The following ST7L variants were observed in gnomAD, a reference collection of about 807,000 sequenced individuals.
The protein encoded by ST7L is suppression of tumorigenicity 7 like.
In ST7L, 57 loss-of-function variants were observed where a neutral mutation model predicts 72.5. The ratio of observed to expected loss-of-function variants is 0.79; its 90% CI spans 0.64 to 0.98. The LOEUF (loss-of-function observed/expected upper bound fraction) is 0.98. Ranked by LOEUF, ST7L falls within the 50% of genes least tolerant of loss-of-function variation. The pLI, the probability that ST7L is intolerant of heterozygous loss-of-function variation, is 0.00. For synonymous variants in ST7L, 221 were observed against 240.9 expected (o/e 0.92, Z 0.77); for missense variants, 576 against 672.2 (o/e 0.86, Z 1.58).
intron 12 of ST7L, among the ~76,000 whole-genome samples, chr1:112,551,297 C>T (rs533999141): frequency 3.3e-5 from 5 of 151,882 alleles, no homozygotes; most frequent in East Asian, 1.9e-4. Flanking sequence ...TACAGGTGCC[C>T]GCCACCACAC....
rs146705829 is a variant in ST7L, at chr1:112,532,237, G to A, written c.1630-6126C>T. Reference sequence around the variant, plus strand: ...TGCATAAGATTAGTAAAGTGCCTTCGTCCACACCCTAGACAGAGAACATTT... The same window carrying A: ...TGCATAAGATTAGTAAAGTGCCTTCATCCACACCCTAGACAGAGAACATTT... On this transcript the variant is annotated intron_variant, in intron 14 of 14. Coordinates refer to ENST00000358039, the MANE Select transcript of ST7L (RefSeq NM_017744.5). Among the ~76,000 whole-genome samples the A allele has an allele frequency of 4.5e-4, 69 of 152,292 alleles. 1 individual carries two copies. The highest frequency in any genetic ancestry group is 1.4e-3 in the African/African-American group (59 of 41,562).
chr1:112,556,092 C>A, intron 11 of ST7L, 74 bp from the exon 12 acceptor site: 1 of 1,158,320 alleles, frequency 8.6e-7, no homozygotes, highest in Non-Finnish European at 1.1e-6. Context: ...AATTCAAACA[C>A]CCACAAAAAT....
rs533569327 is a variant in ST7L, at chr1:112,535,895, G to A, written c.1629+6056C>T. ...ATGAAACATGAGAAATACCCTTCTA[G>A]GAGGTAGAGAACGTCTTTTCTCTTG... is the stretch of plus-strand genomic sequence containing the variant. On this transcript the variant is annotated intron_variant, in intron 14 of 14. Coordinates refer to ENST00000358039, the MANE Select transcript of ST7L (RefSeq NM_017744.5). 1.4e-3 allele frequency among the ~76,000 whole-genome samples: 218 copies of A among 152,114 alleles called. 1 individual carries two copies. Among genetic ancestry groups the A allele is most frequent in the African/African-American group, 4.9e-3 (205 of 41,508 alleles).
At chr1:112,546,730 A>C (rs1657145476) in intron 13 of ST7L, among the ~76,000 whole-genome samples, 2 of 152,172 alleles carry the variant, frequency 1.3e-5, no homozygotes, top group African/African-American at 4.8e-5. Context: ...TGTTCTTCCA[A>C]CAAATTACTA....
chr1:112,578,775 C>CA (rs1308659992), intron 9 of ST7L, among the ~76,000 whole-genome samples: 2 of 148,622 alleles, frequency 1.3e-5, no homozygotes, highest in South Asian at 2.1e-4. Flanking sequence ...ACTCCGTCTC[C>CA]AAAAAAAACA....
At chr1:112,618,809 G>C (rs1418264654) in intron 1 of ST7L, 100 bp downstream of exon 1, 2 of 1,479,526 alleles carry the variant, frequency 1.4e-6, no homozygotes, top group Non-Finnish European at 1.8e-6. Context: ...CGACTCCTCA[G>C]AGGCCCTCTA....
intron 14 of ST7L, chr1:112,540,134 G>C (rs1199586629): frequency 3.0e-6 from 3 of 985,218 alleles, no homozygotes; most frequent in Non-Finnish European, 2.4e-6. Flanking sequence ...ATTGTAGCTT[G>C]CACCCCATGG....
chr1:112,539,721 T>C, intron 14 of ST7L: 1 of 984,488 alleles, frequency 1.0e-6, no homozygotes, highest in Non-Finnish European at 1.2e-6. Flanking sequence ...ACCACAGTCA[T>C]TTCCCATTAA....
intron 14 of ST7L, chr1:112,527,428 T>C (rs574120695): frequency 6.5e-6 from 1 of 152,784 alleles, no homozygotes; most frequent in East Asian, 1.9e-4. Flanking sequence ...TCAGAAGTCA[T>C]CATCTAAAGA....
At chr1:112,565,176 C>T (rs1243347334) in intron 11 of ST7L, among the ~76,000 whole-genome samples, 2 of 142,072 alleles carry the variant, frequency 1.4e-5, no homozygotes, top group Non-Finnish European at 3.0e-5. Flanking sequence ...TCCCAAGTAG[C>T]TGGGATTACA....
chr1:112,533,939 C>A (rs1166527169), intron 14 of ST7L, among the ~76,000 whole-genome samples: 2 of 152,178 alleles, frequency 1.3e-5, no homozygotes, highest in African/African-American at 4.8e-5. Context: ...CTCAGCCTCC[C>A]AAAGTGCTGG....
At chr1:112,523,013 G>A (rs1652962742), downstream of ST7L, 1 of 152,234 alleles carries the variant, frequency 6.6e-6, no homozygotes, top group Non-Finnish European at 1.5e-5. Flanking sequence ...AAAGGAAGCT[G>A]CCTTATATTA....
At position 112,523,923 on chromosome 1, in the gene ST7L, C is replaced by G. The variant is rs982835861; in HGVS notation, c.*2090G>C. On this transcript the variant is annotated 3_prime_UTR_variant, in exon 15 of 15. Coordinates refer to ENST00000358039, the MANE Select transcript of ST7L (RefSeq NM_017744.5). ...GATAAAAGCTAACTTTTATTAATAC[C>G]AGCCCTGAATAATGGCACTAATCCA... 1.3e-5 allele frequency: 2 copies of G among 151,558 alleles called. No individual in the cohort carries two copies. Among genetic ancestry groups the G allele is most frequent in the African/African-American group, 4.9e-5 (2 of 41,236 alleles). 9.4% of individuals were successfully genotyped at this position (151,558 alleles called of 1,614,324 possible).
intron 6 of ST7L, among the ~76,000 whole-genome samples, chr1:112,586,271 A>G (rs534845616): frequency 4.1e-4 from 62 of 152,040 alleles, no homozygotes; most frequent in Non-Finnish European, 7.6e-4. Flanking sequence ...CTATAAAACA[A>G]TAATAATAAA....
intron 9 of ST7L, among the ~76,000 whole-genome samples, chr1:112,580,231 C>T (rs1295327618): frequency 1.3e-5 from 2 of 152,206 alleles, no homozygotes; most frequent in Non-Finnish European, 2.9e-5. Flanking sequence ...TCACTGCAAC[C>T]TCTACCTCCC....
chr1:112,568,330 A>ATTTTTTTTT (rs776031521), intron 11 of ST7L, among the ~76,000 whole-genome samples: 4 of 116,796 alleles, frequency 3.4e-5, no homozygotes, highest in African/African-American at 6.9e-5. Context: ...CTGTAATAAT[A>ATTTTTTTTT]TTTTTTTTTT....
At chr1:112,566,474 T>C (rs1661075528) in intron 11 of ST7L, among the ~76,000 whole-genome samples, 1 of 151,876 alleles carries the variant, frequency 6.6e-6, no homozygotes, top group Non-Finnish European at 1.5e-5. Context: ...ATTTTTTGTA[T>C]TTTTAGTCGA....
chr1:112,599,073 A>AAAAAAAAATATATATATATAT (rs1190968815), intron 4 of ST7L, among the ~76,000 whole-genome samples: 2 of 56,992 alleles, frequency 3.5e-5, no homozygotes, highest in East Asian at 9.3e-4. Context: ...AAAAAAAAAA[A>AAAAAAAAATATATATATATAT]ATATATATAT....
chr1:112,573,910 GTTTT>G (rs920123003), intron 11 of ST7L, among the ~76,000 whole-genome samples: 1 of 91,848 alleles, frequency 1.1e-5, no homozygotes, highest in Non-Finnish European at 2.0e-5. Context: ...TTCTTTTCCT[GTTTT>G]TTTTTTTTTT....
Sources: gnomAD v4.1 joint callset for allele counts (sites outside exome capture counted in the v4.1 genomes callset) on GRCh38, gnomAD v4.1.1 for gene constraint, MANE v1.5 for transcripts, NCBI Gene and HGNC (gene_info 2026-07-23, HGNC 2026-07-21) for gene names.